Variants in SLCO1A2 observed in about 807,000 individuals in gnomAD.
SLCO1A2 encodes the protein solute carrier organic anion transporter family member 1A2, also known as OATP-1.
In SLCO1A2, 67 loss-of-function variants were observed where a neutral mutation model predicts 69.0. That is an observed-to-expected ratio of 0.97 (90% CI 0.80 to 1.19). The LOEUF is 1.19. Ranked by LOEUF, SLCO1A2 falls within the 50% of genes most tolerant of loss-of-function variation. The pLI, the probability that SLCO1A2 is intolerant of heterozygous loss-of-function variation, is 0.00. For synonymous variants in SLCO1A2, 260 were observed against 265.9 expected, an observed-to-expected ratio of 0.98 and a Z score of 0.22; for missense variants, 787 against 793.7, an observed-to-expected ratio of 0.99 and a Z score of 0.10.
chr12:21,333,842 A>G (rs1455144837), intron 2 of SLCO1A2, among the ~76,000 whole-genome samples: 1 of 151,776 alleles, frequency 6.6e-6, no homozygotes, highest in African/African-American at 2.4e-5. Context: ...AGGCAAGTCT[A>G]TTTTTTTTAG....
At chr12:21,394,356 A>T (rs2137164613) in intron 1 of SLCO1A2, among the ~76,000 whole-genome samples, 1 of 138,424 alleles carries the variant, frequency 7.2e-6, no homozygotes, top group East Asian at 2.3e-4. Context: ...ACATGATGAA[A>T]CCACATCTTT....
intron 2 of SLCO1A2, among the ~76,000 whole-genome samples, chr12:21,360,766 C>A (rs1447110409): frequency 1.3e-5 from 2 of 152,234 alleles, no homozygotes; most frequent in African/African-American, 4.8e-5. Flanking sequence ...GAGGCTCCCA[C>A]ACCCACGGAG....
chr12:21,372,094 A>C (rs1411301611), intron 2 of SLCO1A2, among the ~76,000 whole-genome samples: 5 of 152,222 alleles, frequency 3.3e-5, no homozygotes, highest in Non-Finnish European at 5.9e-5. Context: ...ATCATTTTAA[A>C]AGACAAACTA....
chr12:21,336,499 G>A (rs1038049921), upstream of SLCO1A2, among the ~76,000 whole-genome samples: 3 of 151,746 alleles, frequency 2.0e-5, no homozygotes, highest in African/African-American at 4.8e-5. Context: ...TGAAGTAAGA[G>A]GTAATATTTA....
At chr12:21,274,335 A>ACAT in intron 14 of SLCO1A2, 134 bp downstream of exon 14, 1 of 538,404 alleles carries the variant, frequency 1.9e-6, no homozygotes, top group East Asian at 2.8e-5. Flanking sequence ...TGGAGATATA[A>ACAT]CATCAGTATC....
chr12:21,386,569 A>G (rs938510959), intron 1 of SLCO1A2, among the ~76,000 whole-genome samples: 1 of 152,060 alleles, frequency 6.6e-6, no homozygotes. Flanking sequence ...TTTGCCATGT[A>G]AGACGTGTGT....
chr12:21,418,614 G>C (rs762261985), upstream of SLCO1A2, among the ~76,000 whole-genome samples: 2 of 152,120 alleles, frequency 1.3e-5, no homozygotes, highest in Non-Finnish European at 1.5e-5. Flanking sequence ...CAGATCTCAT[G>C]AGACTTATTC....
At chr12:21,310,820 G>T (rs1411470207) in intron 4 of SLCO1A2, among the ~76,000 whole-genome samples, 4 of 152,134 alleles carry the variant, frequency 2.6e-5, no homozygotes. Flanking sequence ...AGCCAGGATG[G>T]TCTTGATCTC....
At position 21,269,114 on chromosome 12, in the gene SLCO1A2, GAATAA is replaced by G. The variant is rs1333003734; in HGVS notation, c.*429_*433del. The G allele has an allele frequency of 1.3e-5, 2 of 153,294 alleles. No homozygotes were observed. Among genetic ancestry groups the G allele is most frequent in the Non-Finnish European group, 2.9e-5 (2 of 68,916 alleles). 9.5% of individuals were successfully genotyped at this position (153,294 alleles called of 1,614,324 possible). A position where few individuals can be genotyped will look rare whatever the true frequency, so the allele number is the denominator to read the frequency against. On this transcript the variant is annotated 3_prime_UTR_variant, in exon 15 of 15. Transcript: ENST00000683939. ...TCTCTCACATGGAAGCGATAAACTT[GAATAA>G]AATATTTAAATCTTCACATAACAGA...
At position 21,351,902 on chromosome 12, in the gene SLCO1A2, T is replaced by C. The variant is rs190614884; in HGVS notation, c.-62-17193A>G. The stretch of plus-strand genomic sequence containing the variant: ...TAAATATCTGAGGTCAGATAAATAC[T>C]ACACAAGCTCACCAACATCCCCTAA... On this transcript the variant is annotated intron_variant, in intron 2 of 15. Coordinates refer to the SLCO1A2 transcript ENST00000307378. Among the ~76,000 whole-genome samples, 1,421 of 152,296 alleles carry C rather than the reference T, an allele frequency of 9.3e-3. 7 individuals are homozygous for C. The highest frequency in any genetic ancestry group is 0.012 in the Non-Finnish European group (829 of 68,022).
chr12:21,303,937 A>G (rs1340323367), intron 6 of SLCO1A2, among the ~76,000 whole-genome samples: 2 of 152,182 alleles, frequency 1.3e-5, no homozygotes, highest in Non-Finnish European at 2.9e-5. Context: ...AATATAGTAG[A>G]GAAGACATGA....
chr12:21,269,750 A>T lies in SLCO1A2; in HGVS notation c.1811T>A (p.Leu604Ter), dbSNP rs766330899. 7.5e-6 allele frequency: 12 copies of T among 1,610,374 alleles called. No individual in the cohort carries two copies. The East Asian group carries it at 2.5e-4, about 33-fold the overall frequency. The change falls in exon 15 of 15, where the codon TTG (leucine) becomes TAG (stop). Residue 604 changes from leucine (L) to a stop codon, truncating the protein, a stop_gained. Coordinates refer to ENST00000683939, the MANE Select transcript of SLCO1A2 (RefSeq NM_001386879.1). LOFTEE classifies it low-confidence loss of function (END_TRUNC). The part of the protein sequence containing the change: ...STTFRYIYLG[L>*]PAALRGSSFV... ...GCTTGATCCTCTTAGTGCTGCCGGC[A>T]ATCCGAGGTAGATGTATCTATTTTT...
chr12:21,274,173 G>A, intron 14 of SLCO1A2: 1 of 255,694 alleles, frequency 3.9e-6, no homozygotes. Context: ...ATAGGTATCA[G>A]TGTACAACCA....
intron 1 of SLCO1A2, among the ~76,000 whole-genome samples, chr12:21,386,740 T>C (rs1254718067): frequency 2.0e-5 from 3 of 151,878 alleles, no homozygotes; most frequent in Non-Finnish European, 2.9e-5. Context: ...CCGGGATTAG[T>C]GGGGCACTGC....
At chr12:21,372,387 T>C (rs1325442891) in intron 2 of SLCO1A2, among the ~76,000 whole-genome samples, 5 of 152,190 alleles carry the variant, frequency 3.3e-5, no homozygotes, top group Admixed American at 3.3e-4. Context: ...GGTCTTCCAT[T>C]ACTCTTATGC....
intron 7 of SLCO1A2, among the ~76,000 whole-genome samples, 173 bp downstream of exon 7, chr12:21,300,998 C>G (rs767359488): frequency 2.0e-5 from 3 of 152,156 alleles, no homozygotes; most frequent in Non-Finnish European, 4.4e-5. Flanking sequence ...CTACTGCTTT[C>G]TGGTTTGGAA....
At chr12:21,418,660 T>C (rs1054334829), upstream of SLCO1A2, among the ~76,000 whole-genome samples, 1 of 152,074 alleles carries the variant, frequency 6.6e-6, no homozygotes, top group Non-Finnish European at 1.5e-5. Context: ...AACTGCCCCG[T>C]GATTCAATTA....
At chr12:21,363,221 A>G (rs1256077615) in intron 2 of SLCO1A2, among the ~76,000 whole-genome samples, 1 of 152,222 alleles carries the variant, frequency 6.6e-6, no homozygotes, top group Non-Finnish European at 1.5e-5. Context: ...CAATCAAACT[A>G]GAACTCAGGA....
chr12:21,412,089 T>C (rs190580184), intron 1 of SLCO1A2, among the ~76,000 whole-genome samples: 2 of 152,286 alleles, frequency 1.3e-5, no homozygotes, highest in East Asian at 3.9e-4. Flanking sequence ...TGTTTTGTAA[T>C]ATCTATGAAG....
Sources: gnomAD v4.1 joint callset for allele counts (sites outside exome capture counted in the v4.1 genomes callset) on GRCh38, gnomAD v4.1.1 for gene constraint, MANE v1.5 for transcripts, NCBI Gene and HGNC (gene_info 2026-07-23, HGNC 2026-07-21) for gene names.